The following ACOX3 variants were observed in gnomAD, a reference collection of about 807,000 sequenced individuals.
ACOX3 encodes acyl-CoA oxidase 3, pristanoyl.
ACOX3 carries 73 observed loss-of-function variants against 81.5 expected under a neutral mutation model. The observed-to-expected ratio is 0.90, with a 90% CI of 0.74 to 1.09. The LOEUF (loss-of-function observed/expected upper bound fraction) is 1.09. Among genes scored for constraint, ACOX3 ranks in the 50% least tolerant of loss-of-function variants. ACOX3 has a pLI of 0.00. For synonymous variants in ACOX3, 387 were observed against 375.1 expected (o/e 1.03, Z -0.37); for missense variants, 947 against 928.0 (o/e 1.02, Z -0.27).
downstream of ACOX3, among the ~76,000 whole-genome samples, chr4:8,365,355 C>T (rs2280569): frequency 0.24 from 36,604 of 152,222 alleles, 4,810 homozygotes; most frequent in African/African-American, 0.35. Context: ...ATGTAACCCA[C>T]GAAGAGTTTG....
At position 8,440,690 on chromosome 4, in the gene ACOX3, C is replaced by T. The variant is rs932492475; in HGVS notation, c.-57G>A. 12 of 1,164,780 alleles carry T rather than the reference C, an allele frequency of 1.0e-5. No individual in the cohort carries two copies. The highest frequency in any genetic ancestry group is 1.4e-5 in the Non-Finnish European group (12 of 880,348). 72.2% of individuals were successfully genotyped at this position (1,164,780 alleles called of 1,614,324 possible). ...CAACCCCTGCCAGGGAAACCAAAAG[C>T]AGGAAAGGATCTCCAGCGGCGCCAT... On this transcript the variant is annotated 5_prime_UTR_variant, in exon 1 of 18. Transcript: ENST00000356406.
rs371192124 is a variant in ACOX3, at chr4:8,368,726, T to C, written c.1984-1646A>G. ...ACCAGTTCCTTGCAACTGGAAGGAA[T>C]GCACTTTTTTTTTTTTTTTTGAGAT... On this transcript the variant is annotated intron_variant, in intron 17 of 17. Transcript: ENST00000356406. This position sits in a 1 kb window ranked among gnomAD's most constrained non-coding sequence, Gnocchi z 5.9. 1.1e-4 allele frequency among the ~76,000 whole-genome samples: 17 copies of C among 151,434 alleles called. No homozygotes were observed. The East Asian group carries it at 2.9e-3, about 26-fold the overall frequency.
chr4:8,379,990 A>G (rs1717432140), intron 14 of ACOX3, among the ~76,000 whole-genome samples: 1 of 151,826 alleles, frequency 6.6e-6, no homozygotes, highest in South Asian at 2.1e-4. Context: ...CAGAGGAGGG[A>G]GCAGTGGAAG....
chr4:8,395,926 T>C (rs1180103329), intron 9 of ACOX3, among the ~76,000 whole-genome samples: 1 of 152,254 alleles, frequency 6.6e-6, no homozygotes, highest in Non-Finnish European at 1.5e-5. Flanking sequence ...GGGCCTGAGT[T>C]AGCCTGTGCA....
intron 3 of ACOX3, 22 bp downstream of exon 3, chr4:8,415,744 C>G (rs1189328609): frequency 1.2e-6 from 2 of 1,608,264 alleles, no homozygotes; most frequent in African/African-American, 1.3e-5. Flanking sequence ...CCGTTTCCCT[C>G]TCCCCTAGGC....
rs1478764390 is a variant in ACOX3 at position 8,382,307 on chromosome 4, C to T, written c.1538-700G>A. Among the ~76,000 whole-genome samples the T allele has an allele frequency of 1.3e-5, 2 of 152,198 alleles. No homozygotes were observed. Among genetic ancestry groups the T allele is most frequent in the Admixed American group, 6.5e-5 (1 of 15,280 alleles). ...GGCAGTGGTGCCCACATCTGCGGGG[C>T]CCCCCACAGCACAGCCAGAGCTGGC... On this transcript the variant is annotated intron_variant, in intron 13 of 17. Coordinates refer to ENST00000356406, the MANE Select transcript of ACOX3 (RefSeq NM_003501.3). This position sits in a 1 kb window ranked among gnomAD's most constrained non-coding sequence, Gnocchi z 4.1.
chr4:8,412,273 C>CA (rs1264660769), intron 5 of ACOX3, among the ~76,000 whole-genome samples: 1 of 152,266 alleles, frequency 6.6e-6, no homozygotes, highest in African/African-American at 2.4e-5. Context: ...CAAGGCCCCA[C>CA]AGCAGGGGCA....
intron 15 of ACOX3, 153 bp downstream of exon 15, chr4:8,374,825 A>G (rs1244359588): frequency 2.5e-6 from 2 of 814,158 alleles, no homozygotes; most frequent in Non-Finnish European, 3.5e-6. Flanking sequence ...GCTTCTCATT[A>G]TGGAACTGGG....
chr4:8,419,020 C>A lies in ACOX3; in HGVS notation c.-14-2485G>T, dbSNP rs548861032. Among the ~76,000 whole-genome samples, 1 of 151,712 alleles carries A rather than the reference C, an allele frequency of 6.6e-6. No homozygotes were observed. The highest frequency in any genetic ancestry group is 6.6e-5 in the Admixed American group (1 of 15,262). On this transcript the variant is annotated intron_variant, in intron 1 of 17. Transcript: ENST00000356406. The surrounding 1 kb of genome is among the most constrained non-coding windows in gnomAD (Gnocchi z 4.2). Reference sequence around the variant, plus strand: ...AAAAAGATACTAAAATACTAAATGCCGGCTATAGTGGCACGTGCCTGTGGT... The same window carrying A: ...AAAAAGATACTAAAATACTAAATGCAGGCTATAGTGGCACGTGCCTGTGGT...
chr4:8,382,485 G>A lies in ACOX3; in HGVS notation c.1538-878C>T, dbSNP rs1578878665. Among the ~76,000 whole-genome samples the A allele has an allele frequency of 6.6e-6, 1 of 152,102 alleles. No individual in the cohort carries two copies. The highest frequency in any genetic ancestry group is 2.4e-5 in the African/African-American group (1 of 41,432). On this transcript the variant is annotated intron_variant, in intron 13 of 17. Coordinates refer to ENST00000356406, the MANE Select transcript of ACOX3 (RefSeq NM_003501.3). This position sits in a 1 kb window ranked among gnomAD's most constrained non-coding sequence, Gnocchi z 4.1. Reference sequence around the variant, plus strand: ...CAGACCACCCACATGTGGAGGCCACGCTCACACCCACCCCCTGCCCAGGCA... The same window carrying A: ...CAGACCACCCACATGTGGAGGCCACACTCACACCCACCCCCTGCCCAGGCA...
chr4:8,371,173 T>C (rs2108786967), intron 16 of ACOX3, among the ~76,000 whole-genome samples, 179 bp from the exon 17 acceptor site: 1 of 152,336 alleles, frequency 6.6e-6, no homozygotes, highest in East Asian at 1.9e-4. Context: ...GCCCTTGCTG[T>C]GCACTGGAAT....
intron 7 of ACOX3, among the ~76,000 whole-genome samples, chr4:8,404,784 A>G (rs747360694): frequency 6.6e-6 from 1 of 152,174 alleles, no homozygotes; most frequent in East Asian, 1.9e-4. Context: ...ATGAAACACT[A>G]TATGAAACAC....
chr4:8,439,586 GA>G (rs1224193169), intron 1 of ACOX3, among the ~76,000 whole-genome samples: 1 of 152,144 alleles, frequency 6.6e-6, no homozygotes, highest in Non-Finnish European at 1.5e-5. Flanking sequence ...TGCTTGCTAG[GA>G]AAAAAGCTTT....
At chr4:8,376,491 C>A (rs115365465) in intron 14 of ACOX3, among the ~76,000 whole-genome samples, 1 of 152,176 alleles carries the variant, frequency 6.6e-6, no homozygotes, top group Non-Finnish European at 1.5e-5. Context: ...GTGAAGCACA[C>A]GGCAGCAGGG....
In ACOX3 at chr4:8,437,881, C is replaced by T. The variant is rs1443572549; in HGVS notation, c.-15+2767G>A. ...TGTAAAGACTAGGGCAGACTAGGCA[C>T]CTTCTTATTAGGCTCCCAGGAGCCC... is the stretch of plus-strand genomic sequence containing the variant. On this transcript the variant is annotated intron_variant, in intron 1 of 17. Transcript: ENST00000356406. This position sits in a 1 kb window ranked among gnomAD's most constrained non-coding sequence, Gnocchi z 5.2. Among the ~76,000 whole-genome samples, 1 of 152,212 alleles carries T rather than the reference C, an allele frequency of 6.6e-6. No individual in the cohort carries two copies. Among genetic ancestry groups the T allele is most frequent in the Non-Finnish European group, 1.5e-5 (1 of 68,040 alleles).
chr4:8,381,592 T>A lies in ACOX3; in HGVS notation c.1553A>T (p.Tyr518Phe), dbSNP rs1717653786. The change falls in exon 14 of 18, where the codon TAC (tyrosine) becomes TTC (phenylalanine). Residue 518 changes from tyrosine (Y) to phenylalanine (F), a missense_variant. By Grantham distance (22) the Tyr-to-Phe change is conservative (BLOSUM62 3). Transcript: ENST00000356406. This position sits in a 1 kb window ranked among gnomAD's most constrained non-coding sequence, Gnocchi z 4.3. ...CLDSAVALAA[Y>F]KWLVCYLLRE... ...GAGCAGGTAGCAAACCAGCCACTTGTATGCTGCCAGGGCGACTTCGGAATG... is the reference window on the plus strand; with the variant it reads ...GAGCAGGTAGCAAACCAGCCACTTGAATGCTGCCAGGGCGACTTCGGAATG... 6.2e-7 allele frequency: 1 copy of A among 1,613,646 alleles called. No individual in the cohort carries two copies. The highest frequency in any genetic ancestry group is 8.5e-7 in the Non-Finnish European group (1 of 1,179,864).
At chr4:8,434,495 C>A (rs372906163) in intron 1 of ACOX3, among the ~76,000 whole-genome samples, 13 of 152,376 alleles carry the variant, frequency 8.5e-5, no homozygotes, top group African/African-American at 3.1e-4. Context: ...AGCCAGCTTG[C>A]GCGATGCAGA....
chr4:8,375,866 C>T (rs1031687190), intron 14 of ACOX3, among the ~76,000 whole-genome samples: 3 of 152,206 alleles, frequency 2.0e-5, no homozygotes, highest in Non-Finnish European at 4.4e-5. Context: ...GATGGCTGCA[C>T]GGTATCCCAT....
At chr4:8,435,643 T>C (rs1579012108) in intron 1 of ACOX3, among the ~76,000 whole-genome samples, 1 of 152,354 alleles carries the variant, frequency 6.6e-6, no homozygotes, top group South Asian at 2.1e-4. Flanking sequence ...TTCCTTTATA[T>C]TGATTCATGG....
Sources: allele counts gnomAD v4.1 joint callset (sites outside exome capture counted in the v4.1 genomes callset), GRCh38; gene constraint gnomAD v4.1.1; non-coding constraint Gnocchi (gnomAD v3.1); transcripts MANE v1.5; gene names NCBI Gene and HGNC (gene_info 2026-07-23, HGNC 2026-07-21).